The following GNAS variants were observed in gnomAD, a reference collection of about 807,000 sequenced individuals.
GNAS encodes protein ALEX.
GNAS carries 8 observed loss-of-function variants against 54.5 expected under a neutral mutation model. The observed-to-expected ratio is 0.15, with a 90% confidence interval of 0.09 to 0.26. GNAS has a LOEUF of 0.26. Among genes scored for constraint, GNAS ranks in the 10% least tolerant of loss-of-function variants. The probability of loss-of-function intolerance (pLI) is 1.00; values close to 1 mark genes in which losing one functional copy is unlikely to be tolerated. For synonymous variants in GNAS, 204 were observed against 191.4 expected (o/e 1.07, Z -0.54); for missense variants, 170 against 529.8 (o/e 0.32, Z 6.67).
At chr20:58,879,848 C>CTG (rs1278178233) in intron 1 of GNAS, among the ~76,000 whole-genome samples, 1 of 152,178 alleles carries the variant, frequency 6.6e-6, no homozygotes, top group Non-Finnish European at 1.5e-5. Context: ...TTAGAGGAAG[C>CTG]TGAAGGCACC....
At chr20:58,882,343 C>T (rs35309658) in intron 1 of GNAS, among the ~76,000 whole-genome samples, 2 of 152,238 alleles carry the variant, frequency 1.3e-5, no homozygotes, top group African/African-American at 2.4e-5. Flanking sequence ...CCACCGCGCC[C>T]GGCCTCATTT....
In GNAS at chr20:58,853,232, C is replaced by A. The variant is rs766533801; in HGVS notation, c.43+12346C>A. On this transcript the variant is annotated intron_variant, in intron 1 of 12. Coordinates refer to the GNAS transcript ENST00000306090. This position sits in a 1 kb window ranked among gnomAD's most constrained non-coding sequence, Gnocchi z 4.4. ...CGGTTGGGTGCTCCATCTTACGGAGCCCCAAACTTATTTTGAGAGGCCGCC... is the reference window on the plus strand; with the variant it reads ...CGGTTGGGTGCTCCATCTTACGGAGACCCAAACTTATTTTGAGAGGCCGCC... 3 of 1,516,394 alleles carry A rather than the reference C, an allele frequency of 2.0e-6. No individual in the cohort carries two copies. Among genetic ancestry groups the A allele is most frequent in the South Asian group, 1.2e-5 (1 of 80,764 alleles). The allele number at this position is 1,516,394 out of a possible 1,614,324, so 93.9% of individuals were successfully genotyped here. A position where few individuals can be genotyped will look rare whatever the true frequency, so the allele number is the denominator to read the frequency against.
intron 1 of GNAS, among the ~76,000 whole-genome samples, chr20:58,844,773 G>A (rs1480905812): frequency 2.6e-5 from 4 of 151,670 alleles, no homozygotes; most frequent in South Asian, 2.1e-4. Flanking sequence ...ACTCCAGCCC[G>A]GCCTACAGTG....
intron 1 of GNAS, among the ~76,000 whole-genome samples, chr20:58,846,671 G>A (rs909352789): frequency 5.3e-5 from 8 of 152,182 alleles, no homozygotes; most frequent in Non-Finnish European, 5.9e-5. Context: ...AGAAGACCAC[G>A]TTTCTTCTCC....
intron 3 of GNAS, among the ~76,000 whole-genome samples, chr20:58,902,010 G>GT (rs1012594203): frequency 2.0e-5 from 3 of 152,060 alleles, no homozygotes; most frequent in African/African-American, 7.2e-5. Context: ...AATCAGCCAA[G>GT]TGAATGCTTC....
In GNAS at chr20:58,841,954, C is replaced by T. The variant is rs557127211; in HGVS notation, c.43+1068C>T. The stretch of plus-strand genomic sequence containing the variant: ...TAACTTACAATTCGTTTCCAAAGAG[C>T]GCGGTACGCGCAGAGCTGGGGAAAG... On this transcript the variant is annotated intron_variant, in intron 1 of 12. Transcript: ENST00000306090. The surrounding 1 kb of genome is among the most constrained non-coding windows in gnomAD (Gnocchi z 5.0). 32 of 1,138,136 alleles carry T rather than the reference C, an allele frequency of 2.8e-5. No homozygotes were observed. The African/African-American group carries it at 3.5e-4, about 12-fold the overall frequency. 70.5% of individuals were successfully genotyped at this position (1,138,136 alleles called of 1,614,324 possible).
intron 1 of GNAS, chr20:58,876,990 A>C (rs1198416168): frequency 6.6e-6 from 1 of 152,210 alleles, no homozygotes; most frequent in Non-Finnish European, 1.5e-5. Flanking sequence ...TTAAGCTAAA[A>C]TTTCCATCAC....
In GNAS at chr20:58,875,693, C is replaced by A. The variant is rs75418289; in HGVS notation, c.44-19919C>A. Among the ~76,000 whole-genome samples, 11 of 152,332 alleles carry A rather than the reference C, an allele frequency of 7.2e-5. No homozygotes were observed. The East Asian group carries it at 7.7e-4, about 11-fold the overall frequency. ...CTGCCTGGCAGCGGGGTGCCCCCCC[C>A]ACCCCATTCAGTGGCAGTCAGGTTC... On this transcript the variant is annotated intron_variant, in intron 1 of 12. Transcript: ENST00000306090.
chr20:58,847,383 C>T (rs2085977561), intron 1 of GNAS, among the ~76,000 whole-genome samples: 1 of 152,226 alleles, frequency 6.6e-6, no homozygotes, highest in Non-Finnish European at 1.5e-5. Flanking sequence ...GCTGCTGCCT[C>T]CACCGGCCAA....
intron 1 of GNAS, among the ~76,000 whole-genome samples, chr20:58,884,219 C>T (rs942740235): frequency 6.6e-6 from 1 of 152,166 alleles, no homozygotes; most frequent in African/African-American, 2.4e-5. Flanking sequence ...TGTAAAACTT[C>T]TATTTAGCAG....
chr20:58,887,754 C>A (rs144919032), upstream of GNAS, among the ~76,000 whole-genome samples: 42 of 152,322 alleles, frequency 2.8e-4, no homozygotes, highest in Non-Finnish European at 8.8e-5. Flanking sequence ...GGTGTCTAGG[C>A]TGCGCTTCCT....
intron 1 of GNAS, among the ~76,000 whole-genome samples, chr20:58,893,238 C>T (rs946895475): frequency 5.5e-5 from 8 of 145,830 alleles, no homozygotes; most frequent in African/African-American, 1.9e-4. Flanking sequence ...TGCGATTTTT[C>T]CTCTGATTAA....
In GNAS at chr20:58,891,674, C is replaced by T; in HGVS notation, c.-53C>T. On this transcript the variant is annotated 5_prime_UTR_variant, in exon 1 of 13. Transcript: ENST00000371085. Reference sequence around the variant, plus strand: ...GCCCTCCCGGCCCGCGTGAGGCCGCCCGCGCCCGCCGCCGCCGCAGCCCGG... The same window carrying T: ...GCCCTCCCGGCCCGCGTGAGGCCGCTCGCGCCCGCCGCCGCCGCAGCCCGG... 1.0e-6 allele frequency: 1 copy of T among 973,748 alleles called. No individual in the cohort carries two copies. The highest frequency in any genetic ancestry group is 1.2e-6 in the Non-Finnish European group (1 of 824,558). 60.3% of individuals were successfully genotyped at this position (973,748 alleles called of 1,614,324 possible). A position where few individuals can be genotyped will look rare whatever the true frequency, so the allele number is the denominator to read the frequency against.
chr20:58,909,596 T>C lies in GNAS; in HGVS notation c.718+17T>C, dbSNP rs531267523. On this transcript the variant is annotated intron_variant, in intron 9 of 12. Transcript: ENST00000371085. This position sits in a 1 kb window ranked among gnomAD's most constrained non-coding sequence, Gnocchi z 7.3. ...GCTTCAACGGTAGGATGCTGTGGGC[T>C]TGGCTGTTCGTAAAGAACGCTTTGC... is the stretch of plus-strand genomic sequence containing the variant. 2.5e-6 allele frequency: 4 copies of C among 1,614,188 alleles called. No individual in the cohort carries two copies. The African/African-American group carries it at 5.3e-5, about 22-fold the overall frequency.
intron 2 of GNAS, chr20:58,897,532 A>ATTT (rs2090177885): frequency 6.6e-6 from 1 of 152,226 alleles, no homozygotes; most frequent in Non-Finnish European, 1.5e-5. Context: ...GTCACCTTTG[A>ATTT]AATAAATTAC....
intron 1 of GNAS, among the ~76,000 whole-genome samples, chr20:58,878,094 G>A (rs1568955119): frequency 6.6e-6 from 1 of 152,198 alleles, no homozygotes; most frequent in African/African-American, 2.4e-5. Flanking sequence ...AACAGGAAGT[G>A]CAGGCTGTGT....
intron 1 of GNAS, among the ~76,000 whole-genome samples, chr20:58,864,897 G>T (rs913958743): frequency 6.6e-6 from 1 of 151,486 alleles, no homozygotes; most frequent in Non-Finnish European, 1.5e-5. Flanking sequence ...ACTGTGGGAT[G>T]TGTAGCAGCA....
chr20:58,902,294 C>T (rs2146147531), intron 3 of GNAS, among the ~76,000 whole-genome samples: 1 of 152,314 alleles, frequency 6.6e-6, no homozygotes, highest in East Asian at 1.9e-4. Context: ...ACACAAGAGG[C>T]CTTTTCTTGC....
In GNAS at chr20:58,863,788, G is replaced by GCCATTCATCA; in HGVS notation, c.43+22902_43+22903insCCATTCATCA. 1.3e-5 allele frequency: 2 copies of GCCATTCATCA among 152,526 alleles called. No individual in the cohort carries two copies. Among genetic ancestry groups the GCCATTCATCA allele is most frequent in the African/African-American group, 4.8e-5 (2 of 41,404 alleles). The allele number at this position is 152,526 out of a possible 1,614,324, so 9.4% of individuals were successfully genotyped here. ...ACTATCTCTCTCCTCTTTTCCATTT[G>GCCATTCATCA]AACGATTTTGCCATTCATCAAACTG... On this transcript the variant is annotated intron_variant, in intron 1 of 12. Coordinates refer to the GNAS transcript ENST00000306090. This position sits in a 1 kb window ranked among gnomAD's most constrained non-coding sequence, Gnocchi z 4.1.
Sources: allele counts gnomAD v4.1 joint callset (sites outside exome capture counted in the v4.1 genomes callset), GRCh38; gene constraint gnomAD v4.1.1; non-coding constraint Gnocchi (gnomAD v3.1); transcripts MANE v1.5; gene names NCBI Gene and HGNC (gene_info 2026-07-23, HGNC 2026-07-21).